Variants in GALNT15 observed in about 807,000 individuals in gnomAD.
The protein encoded by GALNT15 is polypeptide N-acetylgalactosaminyltransferase 15.
Under a neutral mutation model 66.8 loss-of-function variants are expected in GALNT15, and 67 were observed. The ratio of observed to expected loss-of-function variants is 1.00; its 90% CI spans 0.82 to 1.23. The LOEUF (loss-of-function observed/expected upper bound fraction) is 1.23. Among genes scored for constraint, GALNT15 ranks in the 50% most tolerant of loss-of-function variants. The pLI, the probability that GALNT15 is intolerant of heterozygous loss-of-function variation, is 0.00. For missense variants in GALNT15, 827 were observed against 804.3 expected, an observed-to-expected ratio of 1.03 and a Z score of -0.34; for synonymous variants, 313 against 311.5, an observed-to-expected ratio of 1.00 and a Z score of -0.05.
At position 16,227,454 on chromosome 3, in the gene GALNT15, G is replaced by C. The variant is rs373039243; in HGVS notation, c.1874G>C (p.Arg625Pro). ...LYLRPCDGKA[R>P]QQWRFDQINA... The stretch of plus-strand genomic sequence containing the variant: ...CTGCGTCCGTGTGATGGAAAAGCCC[G>C]CCAGCAGTGGCGTTTTGACCAGATC... The change falls in exon 10 of 10, where the codon CGC becomes CCC. Residue 625 changes from arginine (R) to proline (P), a missense_variant. Physicochemically the swap from Arg to Pro is moderately radical, Grantham distance 103. Transcript: ENST00000339732. This position sits in a 1 kb window ranked among gnomAD's most constrained non-coding sequence, Gnocchi z 4.5. 2 of 1,614,028 alleles carry C rather than the reference G, an allele frequency of 1.2e-6. No homozygotes were observed. Among genetic ancestry groups the C allele is most frequent in the South Asian group, 1.1e-5 (1 of 91,080 alleles).
the GALNT15 span, among the ~76,000 whole-genome samples, chr3:16,243,287 G>A: frequency 7.3e-4 from 111 of 152,340 alleles, 1 homozygote; most frequent in African/African-American, 2.4e-3. Context: ...TTCGGCCAGA[G>A]CTGGGGCTGA....
chr3:16,185,612 C>T (rs144802349), intron 1 of GALNT15, among the ~76,000 whole-genome samples: 3 of 152,318 alleles, frequency 2.0e-5, no homozygotes, highest in African/African-American at 7.2e-5. Context: ...CTTAAGGAAT[C>T]AGCGTAGACA....
At chr3:16,232,882 G>T (rs2064097952), downstream of GALNT15, among the ~76,000 whole-genome samples, 2 of 151,664 alleles carry the variant, frequency 1.3e-5, no homozygotes, top group Admixed American at 1.3e-4. Flanking sequence ...CTACATTCCT[G>T]CAAGCTCCTA....
In GALNT15 at chr3:16,203,580, CACACACACAG is replaced by C. The variant is rs55873017; in HGVS notation, c.911+2758_911+2767del. On this transcript the variant is annotated intron_variant, in intron 3 of 9. Transcript: ENST00000339732. This position sits in a 1 kb window ranked among gnomAD's most constrained non-coding sequence, Gnocchi z 6.2. ...ACACACACACACACACACACACACA[CACACACACAG>C]TGGGCCTCTGATCCTGGTGTGTTAC... Among the ~76,000 whole-genome samples, 4,397 of 144,508 alleles carry C rather than the reference CACACACACAG, an allele frequency of 0.03. 103 individuals carry two copies. The highest frequency in any genetic ancestry group is 0.052 in the Middle Eastern group (15 of 290). 94.8% of individuals were successfully genotyped at this position (144,508 alleles called of 152,430 possible). A position where few individuals can be genotyped will look rare whatever the true frequency, so the allele number is the denominator to read the frequency against.
At chr3:16,185,719 C>T (rs2063509265) in intron 1 of GALNT15, among the ~76,000 whole-genome samples, 1 of 151,688 alleles carries the variant, frequency 6.6e-6, no homozygotes, top group African/African-American at 2.4e-5. Context: ...ATTCTGCTCG[C>T]ACTGTAGTCC....
At position 16,175,170 on chromosome 3, in the gene GALNT15, T is replaced by C; in HGVS notation, c.19T>C (p.Tyr7His). 1.9e-6 allele frequency: 3 copies of C among 1,613,646 alleles called. No homozygotes were observed. The highest frequency in any genetic ancestry group is 1.7e-6 in the Non-Finnish European group (2 of 1,179,654). MLLRKRYRHRPCRLQFL... is the reference protein window; with the variant it reads MLLRKRHRHRPCRLQFL... ...TAGCAACATGCTCCTAAGGAAGCGA[T>C]ACAGGCACAGACCATGCAGACTCCA... The change falls in exon 1 of 10, where the codon TAC (tyrosine) becomes CAC (histidine). Residue 7 changes from tyrosine (Y) to histidine (H), a missense_variant. Tyr to His is a moderately conservative substitution (Grantham distance 83, BLOSUM62 2). Coordinates refer to ENST00000339732, the MANE Select transcript of GALNT15 (RefSeq NM_054110.5). This position sits in a 1 kb window ranked among gnomAD's most constrained non-coding sequence, Gnocchi z 5.6.
At position 16,203,001 on chromosome 3, in the gene GALNT15, A is replaced by T. The variant is rs2063718757; in HGVS notation, c.911+2178A>T. Among the ~76,000 whole-genome samples, 1 of 152,186 alleles carries T rather than the reference A, an allele frequency of 6.6e-6. No homozygotes were observed. The highest frequency in any genetic ancestry group is 2.4e-5 in the African/African-American group (1 of 41,438). On this transcript the variant is annotated intron_variant, in intron 3 of 9. Transcript: ENST00000339732. This position sits in a 1 kb window ranked among gnomAD's most constrained non-coding sequence, Gnocchi z 6.2. ...CTTTATGTATGTGTAACCCTCGCAGACTTCTTTCATATGCCTTCTTTAATG... is the reference window on the plus strand; with the variant it reads ...CTTTATGTATGTGTAACCCTCGCAGTCTTCTTTCATATGCCTTCTTTAATG...
At position 16,229,418 on chromosome 3, in the gene GALNT15, C is replaced by A; in HGVS notation, c.*1918C>A. The A allele has an allele frequency of 3.3e-6, 3 of 895,720 alleles. No homozygotes were observed. Among genetic ancestry groups the A allele is most frequent in the Non-Finnish European group, 4.0e-6 (3 of 748,196 alleles). 55.5% of individuals were successfully genotyped at this position (895,720 alleles called of 1,614,324 possible). ...CACCTGTGGCTAGGGTCTACTTCTA[C>A]TGTATTGGCGAGCATGGATATAGAA... On this transcript the variant is annotated 3_prime_UTR_variant, in exon 10 of 10. Transcript: ENST00000339732.
In GALNT15 at chr3:16,219,267, C is replaced by A; in HGVS notation, c.1393-136C>A. 1 of 1,053,174 alleles carries A rather than the reference C, an allele frequency of 9.5e-7. No homozygotes were observed. Among genetic ancestry groups the A allele is most frequent in the Non-Finnish European group, 1.4e-6 (1 of 714,290 alleles). The allele number at this position is 1,053,174 out of a possible 1,614,324, so 65.2% of individuals were successfully genotyped here. On this transcript the variant is annotated intron_variant, in intron 6 of 9. Coordinates refer to ENST00000339732, the MANE Select transcript of GALNT15 (RefSeq NM_054110.5). The surrounding 1 kb of genome is among the most constrained non-coding windows in gnomAD (Gnocchi z 4.3). ...CAACACATGACCCTCCCCACTGCAG[C>A]CCTGGAGAACTGTGGTCTTGGCCCC...
At chr3:16,216,603 T>C (rs956787326) in intron 6 of GALNT15, among the ~76,000 whole-genome samples, 18 of 152,310 alleles carry the variant, frequency 1.2e-4, no homozygotes, top group African/African-American at 4.3e-4. Flanking sequence ...GCAGTTTGAT[T>C]TTTCACTTGG....
At chr3:16,232,984 C>T (rs1458442548), downstream of GALNT15, among the ~76,000 whole-genome samples, 1 of 151,604 alleles carries the variant, frequency 6.6e-6, no homozygotes, top group Non-Finnish European at 1.5e-5. Flanking sequence ...ACTTAGAGCT[C>T]AGAAAATCCT....
chr3:16,216,894 A>G (rs1009697102), intron 6 of GALNT15, among the ~76,000 whole-genome samples: 10 of 152,266 alleles, frequency 6.6e-5, no homozygotes, highest in African/African-American at 2.2e-4. Flanking sequence ...GCTGATCACC[A>G]ATTTCAGGTT....
chr3:16,179,278 G>A (rs543463811), intron 1 of GALNT15, among the ~76,000 whole-genome samples: 2 of 152,234 alleles, frequency 1.3e-5, no homozygotes, highest in Non-Finnish European at 2.9e-5. Context: ...GGCACAGAAA[G>A]ATGGAGGGAC....
rs2063491667 is a variant in GALNT15, at chr3:16,183,745, G to GA, written c.539+8055_539+8056insA. Among the ~76,000 whole-genome samples the GA allele has an allele frequency of 6.6e-6, 1 of 152,156 alleles. No homozygotes were observed. Among genetic ancestry groups the GA allele is most frequent in the Non-Finnish European group, 1.5e-5 (1 of 68,032 alleles). On this transcript the variant is annotated intron_variant, in intron 1 of 9. Coordinates refer to ENST00000339732, the MANE Select transcript of GALNT15 (RefSeq NM_054110.5). The surrounding 1 kb of genome is among the most constrained non-coding windows in gnomAD (Gnocchi z 5.2). ...AGTCAGTATCCCCAAAACAGCTTTA[G>GA]GAAACCTGGCAGAAACCTTTCTACT...
In GALNT15 at chr3:16,175,609, G is replaced by T. The variant is rs2063399602; in HGVS notation, c.458G>T (p.Ser153Ile). ...VSEEEELTPF[S>I]LDPRGLQEAL... ...GAAGAAGAGGAGTTGACCCCGTTCA[G>T]CCTGGACCCACGTGGCCTCCAGGAG... Residue 153 changes from serine to isoleucine, a missense_variant, in exon 1 of 10, where the codon AGC becomes ATC. Physicochemically the swap from Ser to Ile is moderately radical, Grantham distance 142 (BLOSUM62 -2). Coordinates refer to ENST00000339732, the MANE Select transcript of GALNT15 (RefSeq NM_054110.5). The surrounding 1 kb of genome is among the most constrained non-coding windows in gnomAD (Gnocchi z 5.6). 1 of 1,613,338 alleles carries T rather than the reference G, an allele frequency of 6.2e-7. No individual in the cohort carries two copies. Among genetic ancestry groups the T allele is most frequent in the Admixed American group, 1.7e-5 (1 of 60,002 alleles).
chr3:16,200,770 C>A lies in GALNT15; in HGVS notation c.858C>A (p.Cys286Ter). 1 of 1,611,704 alleles carries A rather than the reference C, an allele frequency of 6.2e-7. No homozygotes were observed. The highest frequency in any genetic ancestry group is 8.5e-7 in the Non-Finnish European group (1 of 1,179,100). ...TGCTCGTCTTCATGGATGCCCACTGCGAGTGCCACCCAGGCTGGCTGGAGC... is the reference window on the plus strand; with the variant it reads ...TGCTCGTCTTCATGGATGCCCACTGAGAGTGCCACCCAGGCTGGCTGGAGC... Reference protein sequence around the residue: ...GDVLVFMDAHCECHPGWLEPL... With the variant: ...GDVLVFMDAH The change falls in exon 3 of 10, where the codon TGC (cysteine) becomes TGA (stop). Residue 286 changes from cysteine (C) to a stop codon, truncating the protein, a stop_gained. Transcript: ENST00000339732. LOFTEE classifies it high-confidence loss of function. The surrounding 1 kb of genome is among the most constrained non-coding windows in gnomAD (Gnocchi z 4.4).
intron 6 of GALNT15, 118 bp downstream of exon 6, chr3:16,212,881 TTCCC>T: frequency 1.2e-6 from 1 of 854,754 alleles, no homozygotes; most frequent in Non-Finnish European, 1.8e-6. Flanking sequence ...TGGCTTGAGC[TTCCC>T]TCATGCTGCC....
In GALNT15 at chr3:16,224,856, C is replaced by G. The variant is rs989661560; in HGVS notation, c.1773+2098C>G. On this transcript the variant is annotated intron_variant, in intron 9 of 9. Transcript: ENST00000339732. This position sits in a 1 kb window ranked among gnomAD's most constrained non-coding sequence, Gnocchi z 5.2. ...TCCTCCATGTTGGCCAGGCTGGTCT[C>G]GAACTCCTGACATCAGGTAATCTGC... is the stretch of plus-strand genomic sequence containing the variant. Among the ~76,000 whole-genome samples the G allele has an allele frequency of 6.6e-6, 1 of 151,988 alleles. No individual in the cohort carries two copies. Among genetic ancestry groups the G allele is most frequent in the Non-Finnish European group, 1.5e-5 (1 of 67,996 alleles).
downstream of GALNT15, among the ~76,000 whole-genome samples, chr3:16,232,494 ATATATATATATATATATTTATTT>A (rs1559698369): frequency 2.9e-4 from 25 of 86,438 alleles, 3 homozygotes; most frequent in African/African-American, 1.2e-3. Context: ...ATATATATAT[ATATATATATATATATATTTATTT>A]AAAAGAGACA....
Sources: allele counts gnomAD v4.1 joint callset (sites outside exome capture counted in the v4.1 genomes callset), GRCh38; gene constraint gnomAD v4.1.1; non-coding constraint Gnocchi (gnomAD v3.1); transcripts MANE v1.5; gene names NCBI Gene and HGNC (gene_info 2026-07-23, HGNC 2026-07-21).